LINGO2: variants seen among roughly 807,000 people sequenced by gnomAD.
LINGO2 encodes leucine-rich repeat and immunoglobulin-like domain-containing nogo receptor-interacting protein 2.
A neutral mutation model predicts 30.6 loss-of-function variants in LINGO2; 14 were observed. That is an observed-to-expected ratio of 0.46 (90% CI 0.30 to 0.72). LINGO2 has a LOEUF of 0.72. Ranked by LOEUF, LINGO2 falls within the 30% of genes least tolerant of loss-of-function variation. LINGO2 has a pLI of 0.07. For synonymous variants in LINGO2, 317 were observed against 288.5 expected (o/e 1.10, Z -1.00); for missense variants, 729 against 751.7 (o/e 0.97, Z 0.35).
intron 1 of LINGO2, among the ~76,000 whole-genome samples, chr9:28,605,454 A>G (rs191113979): frequency 1.6e-4 from 24 of 151,788 alleles, no homozygotes; most frequent in African/African-American, 5.6e-4. Context: ...CCTCTTATTT[A>G]TTTCTTGTTT....
At chr9:28,997,772 G>A in the LINGO2 span, among the ~76,000 whole-genome samples, 1 of 151,840 alleles carries the variant, frequency 6.6e-6, no homozygotes, top group Admixed American at 6.6e-5. Context: ...GCAGTGAGCC[G>A]AGATCGTGCC....
chr9:28,086,087 C>T (rs1825905321), intron 4 of LINGO2, among the ~76,000 whole-genome samples: 1 of 152,012 alleles, frequency 6.6e-6, no homozygotes, highest in Admixed American at 6.6e-5. Flanking sequence ...ATCCCATATG[C>T]ATTTGGACAA....
At chr9:28,162,509 A>G (rs894584323) in intron 4 of LINGO2, among the ~76,000 whole-genome samples, 2 of 152,160 alleles carry the variant, frequency 1.3e-5, no homozygotes, top group Admixed American at 6.5e-5. Context: ...TCAGAATCAT[A>G]TGGTGTCAAG....
At chr9:28,955,873 C>G in the LINGO2 span, among the ~76,000 whole-genome samples, 2 of 151,904 alleles carry the variant, frequency 1.3e-5, no homozygotes, top group African/African-American at 4.8e-5. Context: ...AAACTCCTGG[C>G]CACAAGCAAT....
At chr9:28,029,969 G>A (rs115508110) in intron 4 of LINGO2, among the ~76,000 whole-genome samples, 266 of 152,264 alleles carry the variant, frequency 1.7e-3, no homozygotes, top group African/African-American at 5.3e-3. Flanking sequence ...AGTGAAGAGC[G>A]TAAGAAAATG....
intron 1 of LINGO2, among the ~76,000 whole-genome samples, chr9:28,653,403 C>G (rs1828195603): frequency 6.6e-6 from 1 of 152,088 alleles, no homozygotes; most frequent in Non-Finnish European, 1.5e-5. Context: ...TCAGATCTCA[C>G]TAATTATAAT....
chr9:27,986,187 GA>G (rs1337355575), intron 5 of LINGO2, among the ~76,000 whole-genome samples: 3 of 150,934 alleles, frequency 2.0e-5, no homozygotes, highest in African/African-American at 7.3e-5. Context: ...AGAGAAGACA[GA>G]AAAGAGACAG....
At chr9:28,300,326 C>A (rs1824092903) in intron 3 of LINGO2, among the ~76,000 whole-genome samples, 1 of 152,010 alleles carries the variant, frequency 6.6e-6, no homozygotes, top group East Asian at 1.9e-4. Flanking sequence ...ATTTCAGAAC[C>A]CAGCAGGAAG....
chr9:29,101,821 C>G, the LINGO2 span, among the ~76,000 whole-genome samples: 11 of 152,100 alleles, frequency 7.2e-5, no homozygotes, highest in African/African-American at 2.7e-4. Context: ...TTGATGGACA[C>G]CTAGGTTGCT....
rs144452763 is a variant in LINGO2, at chr9:27,974,515, C to A, written c.-35-23809G>T. On this transcript the variant is annotated intron_variant, in intron 5 of 5. Transcript: ENST00000379992. ...AGGTACTCCTTGGATAATGGGGATT[C>A]CCTCGAAGAACCTGCAACACAGTCC... Among the ~76,000 whole-genome samples, 33 of 152,190 alleles carry A rather than the reference C, an allele frequency of 2.2e-4. 1 individual carries two copies. In the East Asian group the frequency reaches 6.0e-3, roughly 28 times the overall value.
chr9:28,277,303 G>A (rs1037898121), intron 4 of LINGO2, among the ~76,000 whole-genome samples: 13 of 152,096 alleles, frequency 8.5e-5, no homozygotes, highest in African/African-American at 2.9e-4. Flanking sequence ...GACACAAATC[G>A]TACCCACATA....
intron 4 of LINGO2, among the ~76,000 whole-genome samples, chr9:28,127,588 A>G (rs866402005): frequency 1.3e-5 from 2 of 152,206 alleles, no homozygotes; most frequent in Admixed American, 1.3e-4. Flanking sequence ...TTCCCATGGA[A>G]TCGGACAAGG....
the LINGO2 span, among the ~76,000 whole-genome samples, chr9:29,004,506 T>C: frequency 6.6e-6 from 1 of 151,906 alleles, no homozygotes. Context: ...TTGTATAGTC[T>C]ACCACATACA....
chr9:29,204,051 C>T, the LINGO2 span, among the ~76,000 whole-genome samples: 1 of 152,092 alleles, frequency 6.6e-6, no homozygotes, highest in Non-Finnish European at 1.5e-5. Context: ...TGCATTTGTT[C>T]ACAGTAGGTG....
chr9:28,751,423 G>GAAACTACA, the LINGO2 span, among the ~76,000 whole-genome samples: 1 of 151,564 alleles, frequency 6.6e-6, no homozygotes, highest in African/African-American at 2.4e-5. Flanking sequence ...GGTTTGCATT[G>GAAACTACA]AAACTACAGA....
intron 4 of LINGO2, among the ~76,000 whole-genome samples, chr9:28,122,613 G>T (rs1317750820): frequency 1.3e-5 from 2 of 152,166 alleles, no homozygotes; most frequent in Admixed American, 1.3e-4. Context: ...GTGGGTTTCA[G>T]TATGAAAGTT....
intron 2 of LINGO2, among the ~76,000 whole-genome samples, chr9:28,446,565 T>C (rs551309985): frequency 1.3e-5 from 2 of 152,332 alleles, no homozygotes; most frequent in South Asian, 2.1e-4. Context: ...TCTTATAATT[T>C]CTATTTCCTA....
At chr9:27,944,679 C>G (rs1425213746), downstream of LINGO2, among the ~76,000 whole-genome samples, 1 of 151,958 alleles carries the variant, frequency 6.6e-6, no homozygotes, top group African/African-American at 2.4e-5. Flanking sequence ...TGGAAATAAC[C>G]AGGCACATGA....
chr9:28,870,436 A>G, the LINGO2 span, among the ~76,000 whole-genome samples: 5 of 152,154 alleles, frequency 3.3e-5, no homozygotes, highest in African/African-American at 1.2e-4. Flanking sequence ...CACAGCTCCA[A>G]TATAACGTCC....
Sources: allele counts gnomAD v4.1 joint callset (sites outside exome capture counted in the v4.1 genomes callset), GRCh38; gene constraint gnomAD v4.1.1; transcripts MANE v1.5; gene names NCBI Gene and HGNC (gene_info 2026-07-23, HGNC 2026-07-21).